Variants in GLIS3 observed in about 807,000 individuals in gnomAD.
GLIS3 encodes the protein GLIS family zinc finger 3.
GLIS3 carries 53 observed loss-of-function variants against 78.6 expected under a neutral mutation model. The observed-to-expected ratio is 0.67, with a 90% CI of 0.54 to 0.85. The LOEUF is 0.85. Among genes scored for constraint, GLIS3 ranks in the 40% least tolerant of loss-of-function variants. The pLI is 0.00. For missense variants in GLIS3, 1,703 were observed against 1,231.1 expected (o/e 1.38, Z -5.74); for synonymous variants, 684 against 509.9 (o/e 1.34, Z -4.60).
chr9:4,094,717 T>C lies in GLIS3; in HGVS notation c.1710+23051A>G, dbSNP rs951851382. Among the ~76,000 whole-genome samples the C allele has an allele frequency of 2.6e-5, 4 of 152,202 alleles. No homozygotes were observed. In the East Asian group the frequency reaches 7.7e-4, roughly 29 times the overall value. ...ACATTTCTTCTATTCTAAGACAACATGTTCTCATTTAACATTCCTAAAATT... is the reference window on the plus strand; with the variant it reads ...ACATTTCTTCTATTCTAAGACAACACGTTCTCATTTAACATTCCTAAAATT... On this transcript the variant is annotated intron_variant, in intron 4 of 10. Coordinates refer to ENST00000381971, the MANE Select transcript of GLIS3 (RefSeq NM_001042413.2).
chr9:4,336,792 T>C (rs1480935530), intron 2 of GLIS3, among the ~76,000 whole-genome samples: 4 of 152,184 alleles, frequency 2.6e-5, no homozygotes, highest in Non-Finnish European at 5.9e-5. Context: ...GTTTTTATGA[T>C]AGTAGAGAGA....
intron 2 of GLIS3, among the ~76,000 whole-genome samples, chr9:4,251,058 G>T (rs1340479573): frequency 6.6e-6 from 1 of 152,172 alleles, no homozygotes; most frequent in Admixed American, 6.5e-5. Flanking sequence ...AATGTGATGT[G>T]GTGCTGAGAA....
chr9:4,068,870 T>C (rs1827338316), intron 4 of GLIS3, among the ~76,000 whole-genome samples: 1 of 151,810 alleles, frequency 6.6e-6, no homozygotes, highest in African/African-American at 2.4e-5. Context: ...AATATGTCTA[T>C]TCAATTTCTT....
intron 2 of GLIS3, among the ~76,000 whole-genome samples, chr9:4,230,602 T>C (rs969070776): frequency 3.9e-5 from 6 of 152,178 alleles, no homozygotes; most frequent in African/African-American, 7.2e-5. Flanking sequence ...GCTTACTCGA[T>C]GCATCTGTGA....
chr9:4,039,816 T>C (rs1346697067), intron 4 of GLIS3, among the ~76,000 whole-genome samples: 1 of 152,250 alleles, frequency 6.6e-6, no homozygotes, highest in Non-Finnish European at 1.5e-5. Flanking sequence ...AATGGTCAAG[T>C]ACTACAGGAG....
chr9:4,307,885 C>G (rs760675778), intron 4 of GLIS3, among the ~76,000 whole-genome samples: 1 of 152,122 alleles, frequency 6.6e-6, no homozygotes, highest in Non-Finnish European at 1.5e-5. Flanking sequence ...ACCAAGGAAA[C>G]CTGTGTCAGA....
the GLIS3 span, among the ~76,000 whole-genome samples, chr9:4,382,893 C>G: frequency 6.6e-6 from 1 of 152,194 alleles, no homozygotes; most frequent in Non-Finnish European, 1.5e-5. Context: ...GCTGGTGTCA[C>G]TACTGCCTAA....
rs56017714 is a variant in GLIS3 at position 4,334,904 on chromosome 9, C to CTTT, written n.264+12174_264+12176dup. Reference sequence around the variant, plus strand: ...CTCTCAGAAGAGAAATCATTTCCACCTTTTTTTTTTTTTTTTTTTTTTGAA... The same window carrying CTTT: ...CTCTCAGAAGAGAAATCATTTCCACCTTTTTTTTTTTTTTTTTTTTTTTTTGAA... On this transcript the variant is annotated intron_variant and non_coding_transcript_variant, in intron 2 of 4. Transcript: ENST00000471664. Among the ~76,000 whole-genome samples the CTTT allele has an allele frequency of 6.4e-4, 69 of 107,012 alleles. 2 individuals are homozygous for CTTT. Among genetic ancestry groups the CTTT allele is most frequent in the African/African-American group, 1.8e-3 (49 of 27,170 alleles). 70.2% of individuals were successfully genotyped at this position (107,012 alleles called of 152,430 possible).
intron 2 of GLIS3, among the ~76,000 whole-genome samples, chr9:4,149,283 A>G (rs1015514839): frequency 1.2e-4 from 18 of 152,188 alleles, no homozygotes; most frequent in Non-Finnish European, 1.5e-5. Flanking sequence ...CTTGATTATT[A>G]CCATCCCATT....
chr9:3,892,949 T>C (rs1002495501), intron 7 of GLIS3, among the ~76,000 whole-genome samples: 2 of 151,432 alleles, frequency 1.3e-5, no homozygotes, highest in African/African-American at 4.9e-5. Context: ...GGTGAAATTA[T>C]ACACATCTAA....
At chr9:4,032,934 A>G (rs1823973728) in intron 4 of GLIS3, among the ~76,000 whole-genome samples, 1 of 151,940 alleles carries the variant, frequency 6.6e-6, no homozygotes, top group Non-Finnish European at 1.5e-5. Context: ...GCTCACTGCA[A>G]GCTCCGCCTC....
At chr9:4,328,028 G>A (rs1442863324) in intron 2 of GLIS3, among the ~76,000 whole-genome samples, 1 of 152,198 alleles carries the variant, frequency 6.6e-6, no homozygotes, top group Non-Finnish European at 1.5e-5. Flanking sequence ...GCATGTTCCT[G>A]TGTTGTTCAC....
intron 2 of GLIS3, among the ~76,000 whole-genome samples, chr9:4,334,869 A>G (rs922391447): frequency 2.0e-5 from 3 of 150,310 alleles, no homozygotes; most frequent in African/African-American, 7.3e-5. Context: ...CACAACTACA[A>G]TAAGAGCAGC....
At chr9:4,412,179 C>T in the GLIS3 span, among the ~76,000 whole-genome samples, 1 of 152,218 alleles carries the variant, frequency 6.6e-6, no homozygotes, top group Non-Finnish European at 1.5e-5. Context: ...GAAGGCATAC[C>T]TTCAGGCCTA....
At chr9:3,924,714 A>G (rs942869439) in intron 6 of GLIS3, among the ~76,000 whole-genome samples, 1 of 152,230 alleles carries the variant, frequency 6.6e-6, no homozygotes, top group African/African-American at 2.4e-5. Flanking sequence ...TGCACAAAGG[A>G]CATGAATACT....
intron 2 of GLIS3, among the ~76,000 whole-genome samples, chr9:4,186,541 A>T (rs1362714088): frequency 6.6e-6 from 1 of 151,660 alleles, no homozygotes; most frequent in Non-Finnish European, 1.5e-5. Flanking sequence ...GTCAAATGGT[A>T]TTCCTAGTTC....
the GLIS3 span, among the ~76,000 whole-genome samples, chr9:4,378,541 C>T: frequency 2.0e-5 from 3 of 152,094 alleles, no homozygotes; most frequent in Admixed American, 1.3e-4. Flanking sequence ...TGAAATTTGA[C>T]TAGGCACCTG....
intron 2 of GLIS3, among the ~76,000 whole-genome samples, chr9:4,140,777 A>G (rs1321914373): frequency 6.7e-6 from 1 of 149,992 alleles, no homozygotes; most frequent in African/African-American, 2.4e-5. Context: ...TAAAAGGGCC[A>G]AGAGTAGACA....
At chr9:4,019,076 TTGA>T (rs1233351170) in intron 4 of GLIS3, among the ~76,000 whole-genome samples, 1 of 152,196 alleles carries the variant, frequency 6.6e-6, no homozygotes, top group Non-Finnish European at 1.5e-5. Context: ...AAGCAGGAAG[TTGA>T]TGAACACTAG....
Sources: gnomAD v4.1 joint callset for allele counts (sites outside exome capture counted in the v4.1 genomes callset) on GRCh38, gnomAD v4.1.1 for gene constraint, MANE v1.5 for transcripts, NCBI Gene and HGNC (gene_info 2026-07-23, HGNC 2026-07-21) for gene names.